Variants in RBPJ observed in about 807,000 individuals in gnomAD.
RBPJ encodes recombining binding protein suppressor of hairless.
In RBPJ, 9 loss-of-function variants were observed where a neutral mutation model predicts 67.8. That is an observed-to-expected ratio of 0.13 (90% CI 0.08 to 0.23). RBPJ has a LOEUF of 0.23. Ranked by LOEUF, RBPJ falls within the 10% of genes least tolerant of loss-of-function variation. The pLI is 1.00. For synonymous variants in RBPJ, 198 were observed against 203.3 expected, an observed-to-expected ratio of 0.97 and a Z score of 0.22; for missense variants, 305 against 595.6, an observed-to-expected ratio of 0.51 and a Z score of 5.08.
chr4:26,124,653 G>C, the RBPJ span, among the ~76,000 whole-genome samples: 1 of 151,492 alleles, frequency 6.6e-6, no homozygotes, highest in African/African-American at 2.4e-5. Context: ...GTTCTTTAAG[G>C]AATCTCCACA....
chr4:26,329,162 T>G (rs1723969765), intron 1 of RBPJ, among the ~76,000 whole-genome samples: 1 of 152,112 alleles, frequency 6.6e-6, no homozygotes, highest in Non-Finnish European at 1.5e-5. Context: ...TTCAGCTAAT[T>G]TTGTATTTTC....
chr4:26,369,753 T>A (rs956488097), intron 1 of RBPJ, among the ~76,000 whole-genome samples: 14 of 152,194 alleles, frequency 9.2e-5, no homozygotes, highest in African/African-American at 2.9e-4. Context: ...CTTTTATTTC[T>A]CTTCAACTTG....
intron 1 of RBPJ, among the ~76,000 whole-genome samples, chr4:26,166,278 C>T (rs1357773322): frequency 8.6e-6 from 1 of 116,272 alleles, no homozygotes; most frequent in African/African-American, 3.3e-5. Context: ...TTCTAGATCC[C>T]TGAGGAATCG....
chr4:26,236,738 AC>A (rs1719464713), intron 1 of RBPJ, among the ~76,000 whole-genome samples: 1 of 152,116 alleles, frequency 6.6e-6, no homozygotes, highest in Non-Finnish European at 1.5e-5. Context: ...TGTGGATGGG[AC>A]CACACAAGGG....
intron 1 of RBPJ, among the ~76,000 whole-genome samples, chr4:26,311,103 A>G (rs1320959011): frequency 6.6e-6 from 1 of 152,200 alleles, no homozygotes; most frequent in Non-Finnish European, 1.5e-5. Context: ...GCACTGTTCT[A>G]TGTACTTGAA....
At chr4:26,250,977 A>T (rs183799310) in intron 1 of RBPJ, among the ~76,000 whole-genome samples, 11 of 152,198 alleles carry the variant, frequency 7.2e-5, no homozygotes, top group Admixed American at 2.6e-4. Flanking sequence ...CGCATTTCTT[A>T]AAGTGGAGTT....
At chr4:26,348,638 AGTT>A (rs1377826158) in intron 1 of RBPJ, among the ~76,000 whole-genome samples, 1 of 152,204 alleles carries the variant, frequency 6.6e-6, no homozygotes, top group African/African-American at 2.4e-5. Flanking sequence ...ATTTTGATAA[AGTT>A]GAGGTAAGCA....
intron 1 of RBPJ, among the ~76,000 whole-genome samples, chr4:26,215,598 C>T (rs115442232): frequency 0.015 from 2,329 of 152,200 alleles, 73 homozygotes; most frequent in African/African-American, 0.052. Flanking sequence ...TAGAAGTGAA[C>T]GATTTTGCCG....
At chr4:26,289,402 A>AG (rs1171904521) in intron 1 of RBPJ, among the ~76,000 whole-genome samples, 1 of 145,366 alleles carries the variant, frequency 6.9e-6, no homozygotes, top group Non-Finnish European at 1.5e-5. Flanking sequence ...AAAAAAAAAA[A>AG]AAAAAGAAAA....
intron 3 of RBPJ, among the ~76,000 whole-genome samples, chr4:26,415,083 C>A (rs1734429957): frequency 6.6e-6 from 1 of 152,060 alleles, no homozygotes; most frequent in Non-Finnish European, 1.5e-5. Context: ...ATGATTGTGT[C>A]ATTTTGAATA....
chr4:26,365,213 A>G (rs1728504934), intron 1 of RBPJ, among the ~76,000 whole-genome samples: 1 of 152,056 alleles, frequency 6.6e-6, no homozygotes, highest in Non-Finnish European at 1.5e-5. Flanking sequence ...TGTAGAGGGT[A>G]CGCTATTACA....
chr4:26,407,115 T>A (rs755164203), intron 3 of RBPJ, among the ~76,000 whole-genome samples: 6 of 152,256 alleles, frequency 3.9e-5, no homozygotes, highest in Non-Finnish European at 8.8e-5. Flanking sequence ...GAAATACTTA[T>A]GTGATACATT....
At chr4:26,144,332 G>A in the RBPJ span, among the ~76,000 whole-genome samples, 32 of 127,858 alleles carry the variant, frequency 2.5e-4, no homozygotes, top group Non-Finnish European at 4.0e-4. Context: ...GTGCAGTAGT[G>A]CAGTTTTGGC....
intron 1 of RBPJ, among the ~76,000 whole-genome samples, chr4:26,306,376 A>AG (rs1206896512): frequency 6.6e-6 from 1 of 151,804 alleles, no homozygotes; most frequent in Non-Finnish European, 1.5e-5. Flanking sequence ...TATTTTATTG[A>AG]GGATTTTGTG....
chr4:26,107,601 G>C, the RBPJ span, among the ~76,000 whole-genome samples: 1 of 152,224 alleles, frequency 6.6e-6, no homozygotes, highest in East Asian at 1.9e-4. Flanking sequence ...GTGGCCCTCA[G>C]ATGCTTCTCT....
At chr4:26,179,891 C>G (rs952788737) in intron 1 of RBPJ, among the ~76,000 whole-genome samples, 2 of 152,170 alleles carry the variant, frequency 1.3e-5, no homozygotes, top group African/African-American at 4.8e-5. Flanking sequence ...TATTGCAGCA[C>G]TATTCACAAT....
At chr4:26,402,410 C>G (rs892348689) in intron 2 of RBPJ, among the ~76,000 whole-genome samples, 2 of 152,166 alleles carry the variant, frequency 1.3e-5, no homozygotes, top group Non-Finnish European at 2.9e-5. Context: ...TTTTATTTGT[C>G]CATAGTTAGC....
chr4:26,132,296 T>C, the RBPJ span, among the ~76,000 whole-genome samples: 2 of 152,176 alleles, frequency 1.3e-5, no homozygotes, highest in Non-Finnish European at 2.9e-5. Flanking sequence ...TCAAGGACCC[T>C]TGGGCCCCAC....
In RBPJ at chr4:26,349,087, T is replaced by TGCGCGCGCGCGC. The variant is rs201817822; in HGVS notation, c.20+28049_20+28050insGCGCGCGCGCGC. On this transcript the variant is annotated intron_variant, in intron 1 of 10. Coordinates refer to ENST00000355476, the MANE Select transcript of RBPJ (RefSeq NM_015874.6). Reference sequence around the variant, plus strand: ...CATCACAAGTTTGTGTGTGTGTGTGTGCGCGCGCGCACGCACTTGCCAGGC... The same window carrying TGCGCGCGCGCGC: ...CATCACAAGTTTGTGTGTGTGTGTGTGCGCGCGCGCGCGCGCGCGCGCACGCACTTGCCAGGC... 1.0e-4 allele frequency among the ~76,000 whole-genome samples: 7 copies of TGCGCGCGCGCGC among 67,704 alleles called. No individual in the cohort carries two copies. In the East Asian group the frequency reaches 1.9e-3, roughly 18 times the overall value. The allele number at this position is 67,704 out of a possible 152,430, so 44.4% of individuals were successfully genotyped here.
Sources: gnomAD v4.1 joint callset for allele counts (sites outside exome capture counted in the v4.1 genomes callset) on GRCh38, gnomAD v4.1.1 for gene constraint, MANE v1.5 for transcripts, NCBI Gene and HGNC (gene_info 2026-07-23, HGNC 2026-07-21) for gene names.